Variants in WDR59 observed in about 807,000 individuals in gnomAD.
The protein encoded by WDR59 is GATOR2 complex protein WDR59.
A neutral mutation model predicts 131.2 loss-of-function variants in WDR59; 100 were observed. That is an observed-to-expected ratio of 0.76 (90% confidence interval 0.65 to 0.90). The LOEUF (loss-of-function observed/expected upper bound fraction) is 0.90, where lower values mean the gene tolerates loss of function less well. Ranked by LOEUF, WDR59 falls within the 40% of genes least tolerant of loss-of-function variation. The pLI is 0.00. For synonymous variants in WDR59, 601 were observed against 466.2 expected (o/e 1.29, Z -3.72); for missense variants, 1,203 against 1,262.2 (o/e 0.95, Z 0.71).
In WDR59 at chr16:74,914,163, G is replaced by A. The variant is rs147035491; in HGVS notation, c.1224+1707C>T. Among the ~76,000 whole-genome samples, 879 of 152,178 alleles carry A rather than the reference G, an allele frequency of 5.8e-3. 3 individuals carry two copies. Among genetic ancestry groups the A allele is most frequent in the Middle Eastern group, 0.02 (6 of 294 alleles). On this transcript the variant is annotated intron_variant, in intron 13 of 25. Coordinates refer to ENST00000262144, the MANE Select transcript of WDR59 (RefSeq NM_030581.4). ...AGAGGCAGAGCCTGCAGTGAGTCAC[G>A]GTAGCACCACTGCACTCCAGTCTGA...
chr16:74,970,640 C>T (rs2033947186), intron 1 of WDR59, among the ~76,000 whole-genome samples: 1 of 151,640 alleles, frequency 6.6e-6, no homozygotes, highest in African/African-American at 2.4e-5. Context: ...TTGCTATACA[C>T]ATCTTTCTTC....
chr16:74,906,835 C>T (rs1965843170), intron 17 of WDR59, among the ~76,000 whole-genome samples: 1 of 152,142 alleles, frequency 6.6e-6, no homozygotes, highest in East Asian at 1.9e-4. Context: ...CCTCTGGGTG[C>T]TGAAGGGCGG....
Position 74,960,895 on chromosome 16 carries a change from AAAT to A in WDR59, c.105-4288_105-4286del, listed in dbSNP as rs1213450924. ...GAAGGACCTTCCAAGGTTCTAAAAA[AAAT>A]TTCTGTATCTTAATCAGAATGGTGA... On this transcript the variant is annotated intron_variant, in intron 2 of 25. Transcript: ENST00000262144. Among the ~76,000 whole-genome samples, 9 of 152,278 alleles carry A rather than the reference AAAT, an allele frequency of 5.9e-5. No individual in the cohort carries two copies. The East Asian group carries it at 1.7e-3, about 29-fold the overall frequency.
At chr16:74,940,367 A>T (rs553837906) in intron 7 of WDR59, among the ~76,000 whole-genome samples, 1 of 151,224 alleles carries the variant, frequency 6.6e-6, no homozygotes, top group East Asian at 1.9e-4. Context: ...CAACAGAGTG[A>T]GACTCTGTCT....
In WDR59 at chr16:74,912,371, G is replaced by A; in HGVS notation, c.1225-9C>T. The A allele has an allele frequency of 1.2e-6, 2 of 1,608,796 alleles. No homozygotes were observed. Among genetic ancestry groups the A allele is most frequent in the Non-Finnish European group, 1.7e-6 (2 of 1,176,594 alleles). On this transcript the variant is annotated splice_polypyrimidine_tract_variant and intron_variant, in intron 13 of 25. Coordinates refer to ENST00000262144, the MANE Select transcript of WDR59 (RefSeq NM_030581.4). ...CTGTCTGCCGCATCCATCTGCAAGA[G>A]ACAAATCCACAATTGCTGTAGAAAC...
At chr16:74,914,252 T>C (rs1433470558) in intron 13 of WDR59, among the ~76,000 whole-genome samples, 2 of 151,656 alleles carry the variant, frequency 1.3e-5, no homozygotes, top group Admixed American at 6.5e-5. Context: ...GTGTGAATTA[T>C]ATCTCAATAA....
At chr16:74,905,020 C>CA (rs772970650) in intron 17 of WDR59, among the ~76,000 whole-genome samples, 1 of 152,214 alleles carries the variant, frequency 6.6e-6, no homozygotes, top group Non-Finnish European at 1.5e-5. Context: ...TCACAGACCT[C>CA]AAATAAGGAA....
chr16:74,874,409 C>T lies in WDR59; in HGVS notation c.2725G>A (p.Val909Ile), dbSNP rs761885267. The T allele has an allele frequency of 4.3e-6, 7 of 1,613,948 alleles. No individual in the cohort carries two copies. In the African/African-American group the frequency reaches 9.3e-5, roughly 22 times the overall value. Residue 909 changes from valine (V) to isoleucine (I), a missense_variant, in exon 26 of 26, where the codon GTC becomes ATC. Val to Ile is a conservative substitution (Grantham distance 29). Coordinates refer to ENST00000262144, the MANE Select transcript of WDR59 (RefSeq NM_030581.4). ...CAGATGGCACACTGCGTGCCACGGA[C>T]CTCACTCCGGCAGTGGCTGCAGTAC... ...GVYCSHCRSE[V>I]RGTQCAICKG...
intron 18 of WDR59, chr16:74,899,717 T>C (rs1360093057): frequency 7.8e-7 from 1 of 1,289,142 alleles, no homozygotes; most frequent in Non-Finnish European, 1.0e-6. Flanking sequence ...GTTAATTGCT[T>C]GTATGGACCA....
rs188429732 is a variant in WDR59, at chr16:74,873,926, C to T, written c.*283G>A. Reference sequence around the variant, plus strand: ...TGGCCCTGGAGCCAGGTGCTTTTCTCCATGAAAACTTCCACCTTGGTAGCT... The same window carrying T: ...TGGCCCTGGAGCCAGGTGCTTTTCTTCATGAAAACTTCCACCTTGGTAGCT... On this transcript the variant is annotated 3_prime_UTR_variant, in exon 26 of 26. Transcript: ENST00000262144. 4.8e-6 allele frequency: 2 copies of T among 417,318 alleles called. No individual in the cohort carries two copies. Among genetic ancestry groups the T allele is most frequent in the African/African-American group, 2.0e-5 (1 of 49,882 alleles). The allele number at this position is 417,318 out of a possible 1,614,324, so 25.9% of individuals were successfully genotyped here. A position where few individuals can be genotyped will look rare whatever the true frequency, so the allele number is the denominator to read the frequency against.
At chr16:74,912,455 A>G (rs530123002) in intron 13 of WDR59, 93 bp from the exon 14 acceptor site, 4 of 1,316,530 alleles carry the variant, frequency 3.0e-6, no homozygotes, top group Non-Finnish European at 4.1e-6. Context: ...TGTTCCTGGT[A>G]ATTGAATGAA....
intron 10 of WDR59, among the ~76,000 whole-genome samples, chr16:74,919,648 C>G (rs747578936): frequency 6.6e-6 from 1 of 151,968 alleles, no homozygotes; most frequent in African/African-American, 2.4e-5. Context: ...TGGCCTGGAA[C>G]TCCTTTCTTA....
Position 74,918,069 on chromosome 16 carries a change from G to C in WDR59, c.887-61C>G, listed in dbSNP as rs1966479675. On this transcript the variant is annotated intron_variant, in intron 10 of 25. Transcript: ENST00000262144. The stretch of plus-strand genomic sequence containing the variant: ...CTGGATTCAACGTCTATTTGCTAGA[G>C]GTTGAAATGGAGTGAGATTCATCCA... 4 of 1,509,490 alleles carry C rather than the reference G, an allele frequency of 2.6e-6. No homozygotes were observed. In the South Asian group the frequency reaches 3.4e-5, roughly 13 times the overall value. 93.5% of individuals were successfully genotyped at this position (1,509,490 alleles called of 1,614,324 possible).
At chr16:74,955,211 C>A (rs2033225411) in intron 3 of WDR59, among the ~76,000 whole-genome samples, 1 of 152,196 alleles carries the variant, frequency 6.6e-6, no homozygotes, top group South Asian at 2.1e-4. Context: ...TAAACCCAAT[C>A]AGAGGTGATT....
rs560877284 is a variant in WDR59 at position 74,968,582 on chromosome 16, G to A, written c.55-2760C>T. Among the ~76,000 whole-genome samples, 21 of 152,204 alleles carry A rather than the reference G, an allele frequency of 1.4e-4. No homozygotes were observed. In the South Asian group the frequency reaches 3.3e-3, roughly 24 times the overall value. ...CTAAATATACAAAAATCAGCCAGGC[G>A]TGGTGGCATGCATCTGCAGTCCCAG... On this transcript the variant is annotated intron_variant, in intron 1 of 25. Transcript: ENST00000262144.
intron 8 of WDR59, among the ~76,000 whole-genome samples, chr16:74,934,938 A>G (rs550348582): frequency 1.3e-5 from 2 of 152,144 alleles, no homozygotes; most frequent in South Asian, 4.1e-4. Flanking sequence ...ACCAGAATGT[A>G]GCAAGGGTGG....
At chr16:74,904,252 A>G in intron 17 of WDR59, 152 bp from the exon 18 acceptor site, 1 of 879,654 alleles carries the variant, frequency 1.1e-6, no homozygotes, top group Non-Finnish European at 1.7e-6. Context: ...TAACACTGAA[A>G]AATGCTTTAT....
At chr16:74,901,352 G>C (rs1304094662) in intron 18 of WDR59, among the ~76,000 whole-genome samples, 2 of 151,778 alleles carry the variant, frequency 1.3e-5, no homozygotes, top group African/African-American at 4.8e-5. Context: ...CTCATTTAAA[G>C]CTCTCAGGGG....
chr16:74,899,779 G>A, intron 18 of WDR59: 1 of 1,287,352 alleles, frequency 7.8e-7, no homozygotes, highest in Non-Finnish European at 1.0e-6. Flanking sequence ...GTTACACCCA[G>A]GAGGAGGGAA....
Sources: allele counts gnomAD v4.1 joint callset (sites outside exome capture counted in the v4.1 genomes callset), GRCh38; gene constraint gnomAD v4.1.1; transcripts MANE v1.5; gene names NCBI Gene and HGNC (gene_info 2026-07-23, HGNC 2026-07-21).